The following ALK variants were observed in gnomAD, a reference collection of about 807,000 sequenced individuals.
The protein encoded by ALK is ALK tyrosine kinase receptor.
In ALK, 74 loss-of-function variants were observed where a neutral mutation model predicts 163.1. The observed-to-expected ratio is 0.45, with a 90% CI of 0.38 to 0.55. The LOEUF is 0.55. ALK is among the 20% of genes least tolerant of loss of function. The pLI, the probability that ALK is intolerant of heterozygous loss-of-function variation, is 0.00. For synonymous variants in ALK, 960 were observed against 843.2 expected (o/e 1.14, Z -2.40); for missense variants, 2,063 against 2,105.3 (o/e 0.98, Z 0.39).
At chr2:29,230,868 G>A (rs967236131) in intron 15 of ALK, among the ~76,000 whole-genome samples, 4 of 152,202 alleles carry the variant, frequency 2.6e-5, no homozygotes, top group Non-Finnish European at 5.9e-5. Flanking sequence ...CTGTGAGTAA[G>A]CGCGTAATAA....
At chr2:29,214,133 G>A (rs1472064053) in intron 23 of ALK, 52 bp from the exon 24 acceptor site, 3 of 1,508,000 alleles carry the variant, frequency 2.0e-6, no homozygotes, top group Non-Finnish European at 1.8e-6. Flanking sequence ...AGTGAGAGGA[G>A]GGAAATCTGA....
intron 23 of ALK, among the ~76,000 whole-genome samples, chr2:29,219,681 C>T (rs1002395693): frequency 6.6e-6 from 1 of 152,188 alleles, no homozygotes; most frequent in Non-Finnish European, 1.5e-5. Flanking sequence ...GCCCAGGGTG[C>T]TATGTTTAAT....
chr2:29,247,543 C>T (rs375741537), intron 12 of ALK, among the ~76,000 whole-genome samples: 2 of 152,248 alleles, frequency 1.3e-5, no homozygotes, highest in East Asian at 1.9e-4. Context: ...CTGCCCCGCA[C>T]CCCCTTCCTC....
intron 3 of ALK, among the ~76,000 whole-genome samples, chr2:29,671,068 T>C (rs1390665014): frequency 1.3e-5 from 2 of 152,066 alleles, no homozygotes; most frequent in South Asian, 2.1e-4. Context: ...TGTGTTGGTA[T>C]GTGTTTATAT....
At chr2:29,492,715 T>C (rs1447156527) in intron 4 of ALK, among the ~76,000 whole-genome samples, 1 of 152,194 alleles carries the variant, frequency 6.6e-6, no homozygotes, top group Non-Finnish European at 1.5e-5. Flanking sequence ...CAGATGTAAA[T>C]AACATCAAGG....
At chr2:29,220,979 G>C (rs748737133) in intron 22 of ALK, 144 bp from the exon 23 acceptor site, 9 of 1,172,202 alleles carry the variant, frequency 7.7e-6, no homozygotes, top group South Asian at 6.6e-5. Context: ...CAGGGGTCCC[G>C]GGCTGAGCCT....
At chr2:29,742,613 A>G (rs984829633) in intron 1 of ALK, among the ~76,000 whole-genome samples, 13 of 152,204 alleles carry the variant, frequency 8.5e-5, no homozygotes, top group Non-Finnish European at 1.5e-5. Flanking sequence ...ACATTAGTCC[A>G]GTGATCTATC....
At chr2:29,517,814 A>G (rs867690039) in intron 4 of ALK, among the ~76,000 whole-genome samples, 17 of 152,280 alleles carry the variant, frequency 1.1e-4, no homozygotes, top group Admixed American at 6.5e-4. Flanking sequence ...TTTACCTCCA[A>G]AGACTTCTGG....
intron 28 of ALK, among the ~76,000 whole-genome samples, chr2:29,195,381 G>A (rs947670746): frequency 5.9e-5 from 9 of 152,196 alleles, no homozygotes; most frequent in African/African-American, 1.9e-4. Flanking sequence ...AGAGGATGGA[G>A]TAGTGAGGCT....
At chr2:29,218,147 C>T (rs1669690589) in intron 23 of ALK, among the ~76,000 whole-genome samples, 1 of 152,186 alleles carries the variant, frequency 6.6e-6, no homozygotes, top group Non-Finnish European at 1.5e-5. Flanking sequence ...GGCCAAGGAT[C>T]CCAGGAAGGA....
At position 29,201,103 on chromosome 2, in the gene ALK, A is replaced by AG. The variant is rs1478105041; in HGVS notation, c.3939-3428_3939-3427insC. On this transcript the variant is annotated intron_variant, in intron 26 of 28. Transcript: ENST00000389048. ...AGGTTATGATTAAAGAAAAAAAAAA[A>AG]CATTGTGGAAGATGGTCTCCAGGTG... is the stretch of plus-strand genomic sequence containing the variant. Among the ~76,000 whole-genome samples the AG allele has an allele frequency of 2.6e-5, 4 of 151,984 alleles. No homozygotes were observed. In the East Asian group the frequency reaches 7.7e-4, roughly 29 times the overall value.
intron 5 of ALK, among the ~76,000 whole-genome samples, chr2:29,368,465 T>C (rs1668564858): frequency 6.6e-6 from 1 of 152,094 alleles, no homozygotes; most frequent in Admixed American, 6.5e-5. Context: ...AGTATGCAAA[T>C]AAAATTTTCA....
rs568072233 is a variant in ALK at position 29,225,367 on chromosome 2, G to C, written c.3172+94C>G. 1.4e-4 allele frequency: 166 copies of C among 1,164,100 alleles called. 1 individual carries two copies. In the East Asian group the frequency reaches 4.1e-3, roughly 29 times the overall value. The allele number at this position is 1,164,100 out of a possible 1,614,324, so 72.1% of individuals were successfully genotyped here. A position where few individuals can be genotyped will look rare whatever the true frequency, so the allele number is the denominator to read the frequency against. On this transcript the variant is annotated intron_variant, in intron 19 of 28. Transcript: ENST00000389048. ...ACCCAATTCCAGGGACTAGCATAAC[G>C]AAGTGACACCTTGGCACCTGTGGCA... is the stretch of plus-strand genomic sequence containing the variant.
intron 1 of ALK, among the ~76,000 whole-genome samples, chr2:29,895,422 A>C (rs1243743301): frequency 1.3e-5 from 2 of 152,216 alleles, no homozygotes; most frequent in African/African-American, 4.8e-5. Flanking sequence ...CTGAAAGTTT[A>C]AGACTGAAAG....
intron 4 of ALK, among the ~76,000 whole-genome samples, chr2:29,415,157 A>T (rs1188959439): frequency 6.7e-6 from 1 of 149,738 alleles, no homozygotes; most frequent in Non-Finnish European, 1.5e-5. Context: ...CATGGTCTGA[A>T]ATCTTACATG....
chr2:29,461,229 A>G (rs1264969481), intron 4 of ALK, among the ~76,000 whole-genome samples: 2 of 152,244 alleles, frequency 1.3e-5, no homozygotes, highest in Admixed American at 6.5e-5. Flanking sequence ...TGTCCATAAC[A>G]TAAAAGTACA....
At chr2:29,714,419 A>G (rs1452169655) in intron 2 of ALK, among the ~76,000 whole-genome samples, 3 of 152,190 alleles carry the variant, frequency 2.0e-5, no homozygotes, top group African/African-American at 7.2e-5. Context: ...GCAGATAATT[A>G]CAGACTGGGG....
At chr2:29,768,108 T>A (rs990442195) in intron 1 of ALK, among the ~76,000 whole-genome samples, 1 of 152,168 alleles carries the variant, frequency 6.6e-6, no homozygotes, top group Admixed American at 6.6e-5. Context: ...CCCAGGGAAT[T>A]TTCATGGCTT....
intron 4 of ALK, among the ~76,000 whole-genome samples, chr2:29,442,344 G>A (rs936192237): frequency 1.3e-5 from 2 of 152,050 alleles, no homozygotes; most frequent in African/African-American, 4.8e-5. Flanking sequence ...GAGCATGAAT[G>A]CGGTTGGGCC....
Sources: gnomAD v4.1 joint callset for allele counts (sites outside exome capture counted in the v4.1 genomes callset) on GRCh38, gnomAD v4.1.1 for gene constraint, MANE v1.5 for transcripts, NCBI Gene and HGNC (gene_info 2026-07-23, HGNC 2026-07-21) for gene names.